PPP2R2C: variants seen among roughly 807,000 people sequenced by gnomAD.
PPP2R2C encodes protein phosphatase 2, regulatory subunit B, gamma.
In PPP2R2C, 10 loss-of-function variants were observed where a neutral mutation model predicts 45.3. The ratio of observed to expected loss-of-function variants is 0.22; its 90% CI spans 0.14 to 0.37. The LOEUF is 0.37. Among genes scored for constraint, PPP2R2C ranks in the 10% least tolerant of loss-of-function variants. PPP2R2C has a pLI of 1.00. For synonymous variants in PPP2R2C, 257 were observed against 245.4 expected, an observed-to-expected ratio of 1.05 and a Z score of -0.44; for missense variants, 308 against 619.7, an observed-to-expected ratio of 0.50 and a Z score of 5.34.
intron 1 of PPP2R2C, among the ~76,000 whole-genome samples, chr4:6,465,607 C>T (rs1380527014): frequency 6.6e-6 from 1 of 151,996 alleles, no homozygotes. Flanking sequence ...TTCATGCCTT[C>T]CATATTTTGT....
At chr4:6,514,157 T>C (rs1365880583) in intron 2 of PPP2R2C, among the ~76,000 whole-genome samples, 1 of 152,226 alleles carries the variant, frequency 6.6e-6, no homozygotes, top group African/African-American at 2.4e-5. Context: ...AATTTAGCTA[T>C]TCTTTTCCTA....
At chr4:6,556,087 C>T (rs1725391372) in intron 1 of PPP2R2C, among the ~76,000 whole-genome samples, 1 of 152,166 alleles carries the variant, frequency 6.6e-6, no homozygotes, top group Non-Finnish European at 1.5e-5. Context: ...GTGAAGGATG[C>T]CTCTGGGGAG....
At chr4:6,560,127 CAGGCAAGGCAGGGGCAGGGGTGCCCCA>C (rs1400696005) in intron 1 of PPP2R2C, among the ~76,000 whole-genome samples, 1 of 152,230 alleles carries the variant, frequency 6.6e-6, no homozygotes. Flanking sequence ...AGGCGTTAGC[CAGGCAAGGCAGGGGCAGGGGTGCCCCA>C]GGGCAGGGAG....
At chr4:6,415,699 C>T (rs13129045) in intron 1 of PPP2R2C, among the ~76,000 whole-genome samples, 4,898 of 152,264 alleles carry the variant, frequency 0.032, 175 homozygotes, top group African/African-American at 0.086. Context: ...AAGCGGGCAG[C>T]AGTGAGGGGC....
At chr4:6,555,619 C>G (rs1200790071) in intron 1 of PPP2R2C, 1 of 152,286 alleles carries the variant, frequency 6.6e-6, no homozygotes, top group Non-Finnish European at 1.5e-5. Flanking sequence ...TGAGAGTGAA[C>G]CCCACGGGCG....
intron 1 of PPP2R2C, among the ~76,000 whole-genome samples, chr4:6,556,634 A>T (rs905947762): frequency 1.3e-5 from 2 of 152,104 alleles, no homozygotes; most frequent in African/African-American, 2.4e-5. Flanking sequence ...CCTCTTCCCC[A>T]GGCCACCTTG....
At chr4:6,423,630 C>T (rs1313721238) in intron 1 of PPP2R2C, among the ~76,000 whole-genome samples, 6 of 152,202 alleles carry the variant, frequency 3.9e-5, no homozygotes, top group African/African-American at 9.7e-5. Flanking sequence ...AACTGTAATA[C>T]AGTACTTTGG....
intron 2 of PPP2R2C, among the ~76,000 whole-genome samples, chr4:6,511,338 A>C (rs552972587): frequency 6.9e-6 from 1 of 144,336 alleles, no homozygotes; most frequent in Admixed American, 6.8e-5. Context: ...TAGTGACAGT[A>C]TTGATAACTA....
chr4:6,546,854 T>G (rs140731503), intron 1 of PPP2R2C, among the ~76,000 whole-genome samples: 187 of 152,204 alleles, frequency 1.2e-3, no homozygotes, highest in African/African-American at 4.2e-3. Context: ...GCGGGGGCTC[T>G]GCCGAGGGTC....
chr4:6,433,393 C>T (rs1348636598), intron 1 of PPP2R2C, among the ~76,000 whole-genome samples: 6 of 152,082 alleles, frequency 3.9e-5, no homozygotes, highest in Admixed American at 6.5e-5. Flanking sequence ...TCTCCAGCCC[C>T]GCCCTACACT....
Position 6,498,636 on chromosome 4 carries a change from G to A in PPP2R2C, c.49+36635C>T, listed in dbSNP as rs115426159. ...CATGGGAGGTGACACCCTGCAGTGC[G>A]AGCTCCAAGGTGGAGGAGCTGGTGT... On this transcript the variant is annotated intron_variant, in intron 2 of 9. Coordinates refer to the PPP2R2C transcript ENST00000506140. 2.1e-3 allele frequency among the ~76,000 whole-genome samples: 324 copies of A among 152,270 alleles called. No individual in the cohort carries two copies. The Middle Eastern group carries it at 0.024, about 11-fold the overall frequency.
chr4:6,423,774 T>A (rs147754080), intron 1 of PPP2R2C, among the ~76,000 whole-genome samples: 3 of 152,136 alleles, frequency 2.0e-5, no homozygotes, highest in Non-Finnish European at 4.4e-5. Flanking sequence ...TTTGAGGAAC[T>A]GAAAGATCAG....
chr4:6,358,554 G>C (rs1182226669), intron 5 of PPP2R2C, among the ~76,000 whole-genome samples: 3 of 148,814 alleles, frequency 2.0e-5, no homozygotes, highest in African/African-American at 7.4e-5. Flanking sequence ...AGAGCAAACA[G>C]GCAACCTACG....
intron 3 of PPP2R2C, among the ~76,000 whole-genome samples, chr4:6,377,214 A>G (rs1208585935): frequency 6.6e-6 from 1 of 152,118 alleles, no homozygotes; most frequent in Non-Finnish European, 1.5e-5. Context: ...AGCACCTCGA[A>G]GCCTGGCTGG....
chr4:6,511,630 G>A (rs1341872768), intron 2 of PPP2R2C, among the ~76,000 whole-genome samples: 1 of 71,406 alleles, frequency 1.4e-5, no homozygotes, highest in Admixed American at 1.5e-4. Flanking sequence ...GGTGGTGGTG[G>A]TGGTGGTGTT....
chr4:6,484,357 C>A (rs796879193), intron 2 of PPP2R2C, among the ~76,000 whole-genome samples: 1 of 151,888 alleles, frequency 6.6e-6, no homozygotes, highest in South Asian at 2.1e-4. Context: ...TATCTTGACA[C>A]CAGTATCACT....
chr4:6,396,465 G>A (rs1045843364), intron 1 of PPP2R2C, among the ~76,000 whole-genome samples: 2 of 152,206 alleles, frequency 1.3e-5, no homozygotes, highest in Admixed American at 6.5e-5. Context: ...CCCAGCTGCT[G>A]CCCATGGGTT....
chr4:6,484,861 C>A (rs1560579769), intron 2 of PPP2R2C, among the ~76,000 whole-genome samples: 1 of 151,876 alleles, frequency 6.6e-6, no homozygotes, highest in Non-Finnish European at 1.5e-5. Flanking sequence ...ATAATCATGT[C>A]ATCTGTGAAT....
rs540915332 is a variant in PPP2R2C, at chr4:6,443,944, C to G, written c.70+28216G>C. Among the ~76,000 whole-genome samples the G allele has an allele frequency of 3.3e-5, 5 of 152,318 alleles. No homozygotes were observed. The East Asian group carries it at 9.7e-4, about 29-fold the overall frequency. ...AGCCCAGCAGCCCAGCAGCCCAACC[C>G]TGGCCCATGTGTAGCCTCTTGCAGC... On this transcript the variant is annotated intron_variant, in intron 1 of 8. Transcript: ENST00000382599.
Sources: gnomAD v4.1 joint callset for allele counts (sites outside exome capture counted in the v4.1 genomes callset) on GRCh38, gnomAD v4.1.1 for gene constraint, MANE v1.5 for transcripts, NCBI Gene and HGNC (gene_info 2026-07-23, HGNC 2026-07-21) for gene names.